Variants in FAM169A observed in about 807,000 individuals in gnomAD.
FAM169A encodes soluble lamin-associated protein of 75 kDa.
Under a neutral mutation model 75.7 loss-of-function variants are expected in FAM169A, and 24 were observed. The ratio of observed to expected loss-of-function variants is 0.32; its 90% CI spans 0.23 to 0.45. The LOEUF (loss-of-function observed/expected upper bound fraction) is 0.45, where lower values mean the gene tolerates loss of function less well. FAM169A is among the 20% of genes least tolerant of loss of function. The probability of loss-of-function intolerance (pLI) is 1.00; values close to 1 mark genes in which losing one functional copy is unlikely to be tolerated. For missense variants in FAM169A, 673 were observed against 784.0 expected, an observed-to-expected ratio of 0.86 and a Z score of 1.69; for synonymous variants, 271 against 271.0, an observed-to-expected ratio of 1.00 and a Z score of 0.00.
rs561772601 is a variant in FAM169A at position 74,840,746 on chromosome 5, G to A, written c.133-573C>T. Among the ~76,000 whole-genome samples the A allele has an allele frequency of 4.0e-5, 6 of 151,168 alleles. 1 individual carries two copies. The highest frequency in any genetic ancestry group is 2.6e-4 in the Admixed American group (4 of 15,164). On this transcript the variant is annotated intron_variant, in intron 2 of 12. Coordinates refer to ENST00000687041, the MANE Select transcript of FAM169A (RefSeq NM_001376049.1). ...CGGGAGGCTAAGGCAGGAGAATGGC[G>A]TGAACCCAGGAGGCAGAGGTTGCAG...
chr5:74,785,525 G>A (rs1258397647), intron 11 of FAM169A, among the ~76,000 whole-genome samples: 1 of 152,168 alleles, frequency 6.6e-6, no homozygotes, highest in Non-Finnish European at 1.5e-5. Context: ...ACACTGGGAG[G>A]CAGAGGGGAG....
chr5:74,837,610 G>C (rs945572874), intron 4 of FAM169A, among the ~76,000 whole-genome samples: 9 of 152,082 alleles, frequency 5.9e-5, no homozygotes, highest in Admixed American at 2.6e-4. Context: ...GCCCCTTTAA[G>C]CAAGCATCAA....
rs1745396561 is a variant in FAM169A at position 74,781,318 on chromosome 5, C to CA, written c.*141dup. 1 of 703,494 alleles carries CA rather than the reference C, an allele frequency of 1.4e-6. No homozygotes were observed. The highest frequency in any genetic ancestry group is 2.3e-6 in the Non-Finnish European group (1 of 429,218). The allele number at this position is 703,494 out of a possible 1,614,324, so 43.6% of individuals were successfully genotyped here. A position where few individuals can be genotyped will look rare whatever the true frequency, so the allele number is the denominator to read the frequency against. On this transcript the variant is annotated 3_prime_UTR_variant, in exon 13 of 13. Coordinates refer to ENST00000687041, the MANE Select transcript of FAM169A (RefSeq NM_001376049.1). ...GTGAATTCTACGTTCTAAAGGGAAG[C>CA]AAAAAACTGCATAGTAAGTAAGTTC...
At chr5:74,813,659 T>A (rs961962617) in intron 6 of FAM169A, among the ~76,000 whole-genome samples, 181 bp downstream of exon 6, 1 of 152,152 alleles carries the variant, frequency 6.6e-6, no homozygotes, top group Non-Finnish European at 1.5e-5. Flanking sequence ...TTATAGTTTT[T>A]TAAGACTGCC....
At chr5:74,857,800 A>G (rs1358480420) in intron 1 of FAM169A, among the ~76,000 whole-genome samples, 5 of 152,066 alleles carry the variant, frequency 3.3e-5, no homozygotes, top group African/African-American at 4.8e-5. Flanking sequence ...TACAGTTGGT[A>G]TGTTTCCAAC....
chr5:74,798,556 T>C (rs1746395835), intron 10 of FAM169A, among the ~76,000 whole-genome samples: 1 of 152,172 alleles, frequency 6.6e-6, no homozygotes, highest in Non-Finnish European at 1.5e-5. Flanking sequence ...TTAAAATTAT[T>C]TGTATAAGGA....
chr5:74,827,013 T>C (rs190577344), intron 5 of FAM169A, among the ~76,000 whole-genome samples: 1 of 152,294 alleles, frequency 6.6e-6, no homozygotes, highest in East Asian at 1.9e-4. Flanking sequence ...TGTCTAATGG[T>C]TTCTCATGAA....
At chr5:74,796,540 G>A (rs1746287373) in intron 10 of FAM169A, among the ~76,000 whole-genome samples, 1 of 151,994 alleles carries the variant, frequency 6.6e-6, no homozygotes. Context: ...GAGCAGCTGA[G>A]ACTACAGGCA....
intron 11 of FAM169A, among the ~76,000 whole-genome samples, chr5:74,789,207 G>C (rs567913356): frequency 2.0e-5 from 3 of 152,308 alleles, no homozygotes; most frequent in African/African-American, 7.2e-5. Context: ...ACATTATGCT[G>C]ATTGGATCCA....
intron 1 of FAM169A, among the ~76,000 whole-genome samples, chr5:74,856,289 T>C (rs1749700942): frequency 6.6e-6 from 1 of 152,176 alleles, no homozygotes; most frequent in Non-Finnish European, 1.5e-5. Context: ...TCCATATACA[T>C]TTTAGGATTT....
chr5:74,791,269 A>G (rs1561289475), intron 11 of FAM169A, among the ~76,000 whole-genome samples: 1 of 152,166 alleles, frequency 6.6e-6, no homozygotes, highest in Non-Finnish European at 1.5e-5. Context: ...CATCCAGTAT[A>G]TGGTACTGTT....
At chr5:74,810,033 T>G (rs549381096) in intron 6 of FAM169A, among the ~76,000 whole-genome samples, 1 of 152,200 alleles carries the variant, frequency 6.6e-6, no homozygotes, top group Non-Finnish European at 1.5e-5. Context: ...GACATTTTCA[T>G]GCAGCTTTAT....
intron 1 of FAM169A, among the ~76,000 whole-genome samples, chr5:74,858,869 G>A (rs186103015): frequency 6.6e-6 from 1 of 152,018 alleles, no homozygotes; most frequent in East Asian, 1.9e-4. Context: ...TCTTAGTTTG[G>A]GATCCATAAA....
intron 5 of FAM169A, among the ~76,000 whole-genome samples, chr5:74,832,955 A>G (rs1748391115): frequency 6.6e-6 from 1 of 152,000 alleles, no homozygotes. Flanking sequence ...TCAATGCTAT[A>G]AAATAGTTAA....
At chr5:74,839,867 T>C (rs1362496040) in intron 3 of FAM169A, among the ~76,000 whole-genome samples, 1 of 152,100 alleles carries the variant, frequency 6.6e-6, no homozygotes, top group Non-Finnish European at 1.5e-5. Context: ...TTACCCAGTC[T>C]CAAGAAGTTC....
chr5:74,819,363 G>T (rs1057335951), intron 5 of FAM169A, among the ~76,000 whole-genome samples: 1 of 152,124 alleles, frequency 6.6e-6, no homozygotes, highest in Non-Finnish European at 1.5e-5. Flanking sequence ...CGGCTACTTC[G>T]TATCTGCTAG....
chr5:74,806,896 A>C (rs1190705392), intron 6 of FAM169A, among the ~76,000 whole-genome samples: 1 of 152,228 alleles, frequency 6.6e-6, no homozygotes, highest in African/African-American at 2.4e-5. Flanking sequence ...GTCAATAAAC[A>C]AAGATAAAGA....
At chr5:74,815,773 A>G (rs1747437989) in intron 5 of FAM169A, among the ~76,000 whole-genome samples, 1 of 152,216 alleles carries the variant, frequency 6.6e-6, no homozygotes, top group South Asian at 2.1e-4. Flanking sequence ...ACCAAAACCA[A>G]GATGGCAATG....
intron 6 of FAM169A, among the ~76,000 whole-genome samples, chr5:74,810,099 G>A (rs1270331232): frequency 1.3e-5 from 2 of 152,114 alleles, no homozygotes; most frequent in Non-Finnish European, 2.9e-5. Flanking sequence ...CAAATAAATT[G>A]TGGTATAATC....
Sources: allele counts gnomAD v4.1 joint callset (sites outside exome capture counted in the v4.1 genomes callset), GRCh38; gene constraint gnomAD v4.1.1; transcripts MANE v1.5; gene names NCBI Gene and HGNC (gene_info 2026-07-23, HGNC 2026-07-21).